Variants in AGAP1 observed in about 807,000 individuals in gnomAD.
AGAP1 encodes arf-GAP with GTPase, ANK repeat and PH domain-containing protein 1.
AGAP1 carries 29 observed loss-of-function variants against 105.3 expected under a neutral mutation model. The observed-to-expected ratio is 0.28, with a 90% confidence interval of 0.21 to 0.38. The LOEUF is 0.38. AGAP1 is among the 10% of genes least tolerant of loss of function. The pLI is 1.00. For missense variants in AGAP1, 998 were observed against 1,165.1 expected, an observed-to-expected ratio of 0.86 and a Z score of 2.09; for synonymous variants, 509 against 485.9, an observed-to-expected ratio of 1.05 and a Z score of -0.63.
At chr2:235,525,056 T>C (rs1356640570) in intron 1 of AGAP1, among the ~76,000 whole-genome samples, 1 of 152,248 alleles carries the variant, frequency 6.6e-6, no homozygotes, top group Non-Finnish European at 1.5e-5. Context: ...GGTTAGTACA[T>C]GAGGCAGGCG....
intron 6 of AGAP1, among the ~76,000 whole-genome samples, chr2:235,766,190 G>A (rs1954935081): frequency 6.6e-6 from 1 of 152,122 alleles, no homozygotes; most frequent in South Asian, 2.1e-4. Flanking sequence ...TTTAACACAG[G>A]GTGCTTGGAT....
intron 6 of AGAP1, among the ~76,000 whole-genome samples, chr2:235,759,133 T>C (rs1954185280): frequency 6.8e-6 from 1 of 147,072 alleles, no homozygotes; most frequent in Non-Finnish European, 1.5e-5. Context: ...GACATTCTGG[T>C]GTCGTTAGCC....
intron 9 of AGAP1, among the ~76,000 whole-genome samples, chr2:235,826,417 G>A (rs765307451): frequency 9.2e-5 from 14 of 151,976 alleles, no homozygotes; most frequent in Non-Finnish European, 1.6e-4. Context: ...CCGTTGCTCC[G>A]TTTCACATAT....
At chr2:236,091,257 C>T (rs1336158380) in intron 16 of AGAP1, among the ~76,000 whole-genome samples, 2 of 152,158 alleles carry the variant, frequency 1.3e-5, no homozygotes, top group Non-Finnish European at 1.5e-5. Context: ...TAGTCCAGGT[C>T]GCCTGGGGCC....
In AGAP1 at chr2:235,629,098, T is replaced by C. The variant is rs560266689; in HGVS notation, c.164-80081T>C. 1.7e-3 allele frequency among the ~76,000 whole-genome samples: 262 copies of C among 152,176 alleles called. 1 individual carries two copies. The highest frequency in any genetic ancestry group is 3.4e-3 in the Non-Finnish European group (232 of 67,992). ...GTGCTGGGATTATAGGTGTGAGCCATTGTATCATTCTTATGCCTTTGTGTC... is the reference window on the plus strand; with the variant it reads ...GTGCTGGGATTATAGGTGTGAGCCACTGTATCATTCTTATGCCTTTGTGTC... On this transcript the variant is annotated intron_variant, in intron 1 of 17. Coordinates refer to ENST00000304032, the MANE Select transcript of AGAP1 (RefSeq NM_001037131.3).
chr2:235,592,711 A>T (rs1235275718), intron 1 of AGAP1, among the ~76,000 whole-genome samples: 1 of 152,120 alleles, frequency 6.6e-6, no homozygotes, highest in East Asian at 1.9e-4. Flanking sequence ...ATATGGGCGC[A>T]TCTTAGTTAT....
intron 13 of AGAP1, among the ~76,000 whole-genome samples, chr2:235,980,782 C>T (rs1185897174): frequency 6.6e-6 from 1 of 152,202 alleles, no homozygotes; most frequent in African/African-American, 2.4e-5. Flanking sequence ...TTGGGCTCAG[C>T]CTGCTACCCT....
chr2:236,068,804 A>G (rs2058420066), intron 16 of AGAP1, among the ~76,000 whole-genome samples: 1 of 149,724 alleles, frequency 6.7e-6, no homozygotes, highest in Non-Finnish European at 1.5e-5. Context: ...TCTCAAAAAA[A>G]AAAAAAAAAA....
chr2:235,983,605 G>A lies in AGAP1; in HGVS notation c.1645+14982G>A, dbSNP rs1424750535. ...AACATTTTGTTCAATGATGGACCAA[G>A]TAATGTGATGGTGGTCCCATGAGAT... On this transcript the variant is annotated intron_variant, in intron 13 of 17. Coordinates refer to ENST00000304032, the MANE Select transcript of AGAP1 (RefSeq NM_001037131.3). This position sits in a 1 kb window ranked among gnomAD's most constrained non-coding sequence, Gnocchi z 4.5. Among the ~76,000 whole-genome samples, 1 of 152,142 alleles carries A rather than the reference G, an allele frequency of 6.6e-6. No individual in the cohort carries two copies. Among genetic ancestry groups the A allele is most frequent in the Admixed American group, 6.6e-5 (1 of 15,266 alleles).
rs1278213985 is a variant in AGAP1, at chr2:235,953,841, G to A, written c.1484-14621G>A. On this transcript the variant is annotated intron_variant, in intron 12 of 17. Coordinates refer to ENST00000304032, the MANE Select transcript of AGAP1 (RefSeq NM_001037131.3). The surrounding 1 kb of genome is among the most constrained non-coding windows in gnomAD (Gnocchi z 5.2). ...GGGAGGCTGAGGCAGGAGGATCGCT[G>A]GAGCCCCAGGAGTTCAAGGCTGCAG... Among the ~76,000 whole-genome samples, 2 of 149,806 alleles carry A rather than the reference G, an allele frequency of 1.3e-5. No individual in the cohort carries two copies. The highest frequency in any genetic ancestry group is 4.9e-5 in the African/African-American group (2 of 40,728).
intron 12 of AGAP1, among the ~76,000 whole-genome samples, chr2:235,966,121 G>T (rs1331630409): frequency 6.7e-6 from 1 of 150,214 alleles, no homozygotes; most frequent in Non-Finnish European, 1.5e-5. Context: ...GGAGGAGAGG[G>T]GAGCCCTTTC....
rs1476711712 is a variant in AGAP1, at chr2:236,036,188, G to A, written c.1646-373G>A. Among the ~76,000 whole-genome samples the A allele has an allele frequency of 3.3e-5, 5 of 152,124 alleles. No individual in the cohort carries two copies. Among genetic ancestry groups the A allele is most frequent in the East Asian group, 1.9e-4 (1 of 5,172 alleles). On this transcript the variant is annotated intron_variant, in intron 13 of 17. Coordinates refer to ENST00000304032, the MANE Select transcript of AGAP1 (RefSeq NM_001037131.3). This position sits in a 1 kb window ranked among gnomAD's most constrained non-coding sequence, Gnocchi z 5.7. ...TTAGATAGAAATTAACCCTGCAGCC[G>A]GAGATTAGCGGCCCTAACTTAATTT... is the stretch of plus-strand genomic sequence containing the variant.
intron 9 of AGAP1, among the ~76,000 whole-genome samples, chr2:235,815,809 CTG>C (rs1160020147): frequency 6.6e-6 from 1 of 152,190 alleles, no homozygotes; most frequent in Admixed American, 6.5e-5. Context: ...TGAAATAAGA[CTG>C]TTGCTGGAAC....
At position 235,816,458 on chromosome 2, in the gene AGAP1, G is replaced by GGAAA. The variant is rs375657430; in HGVS notation, c.1050+9134_1050+9137dup. Among the ~76,000 whole-genome samples, 380 of 138,546 alleles carry GGAAA rather than the reference G, an allele frequency of 2.7e-3. 1 individual carries two copies. The highest frequency in any genetic ancestry group is 0.02 in the East Asian group (94 of 4,704). The allele number at this position is 138,546 out of a possible 152,430, so 90.9% of individuals were successfully genotyped here. A position where few individuals can be genotyped will look rare whatever the true frequency, so the allele number is the denominator to read the frequency against. ...GTCTCAAAAAAAAAAAAAAAAAAAA[G>GGAAA]GAAAGAAAGAGCAGGAGTGCAGAGA... On this transcript the variant is annotated intron_variant, in intron 9 of 17. Coordinates refer to ENST00000304032, the MANE Select transcript of AGAP1 (RefSeq NM_001037131.3).
chr2:235,841,923 A>T (rs1301380835), intron 9 of AGAP1, among the ~76,000 whole-genome samples: 4 of 152,034 alleles, frequency 2.6e-5, no homozygotes, highest in Non-Finnish European at 5.9e-5. Context: ...AAGCTCTGGG[A>T]AGTCTTCCCT....
chr2:235,516,593 C>T (rs943598678), intron 1 of AGAP1, among the ~76,000 whole-genome samples: 1 of 152,122 alleles, frequency 6.6e-6, no homozygotes, highest in African/African-American at 2.4e-5. Flanking sequence ...TTCATGCCGC[C>T]CGTATTCCTG....
intron 16 of AGAP1, among the ~76,000 whole-genome samples, chr2:236,118,130 A>G (rs1269554721): frequency 6.6e-6 from 1 of 152,200 alleles, no homozygotes; most frequent in Non-Finnish European, 1.5e-5. Flanking sequence ...TGCAATGTAA[A>G]CACGGGTAAA....
At position 235,962,388 on chromosome 2, in the gene AGAP1, C is replaced by A. The variant is rs1366071311; in HGVS notation, c.1484-6074C>A. The stretch of plus-strand genomic sequence containing the variant: ...GAGATGGTGGGAGAAGGGAAACTTA[C>A]AAGGGTGAGTTTCAAGTCGTGTGCG... On this transcript the variant is annotated intron_variant, in intron 12 of 17. Coordinates refer to ENST00000304032, the MANE Select transcript of AGAP1 (RefSeq NM_001037131.3). The surrounding 1 kb of genome is among the most constrained non-coding windows in gnomAD (Gnocchi z 5.3). Among the ~76,000 whole-genome samples, 1 of 152,078 alleles carries A rather than the reference C, an allele frequency of 6.6e-6. No homozygotes were observed.
intron 16 of AGAP1, among the ~76,000 whole-genome samples, chr2:236,103,457 C>T (rs964077438): frequency 2.5e-4 from 38 of 152,158 alleles, no homozygotes; most frequent in Non-Finnish European, 3.7e-4. Flanking sequence ...GCACAGGCTC[C>T]ATCTTTTTCT....
Sources: allele counts gnomAD v4.1 joint callset (sites outside exome capture counted in the v4.1 genomes callset), GRCh38; gene constraint gnomAD v4.1.1; non-coding constraint Gnocchi (gnomAD v3.1); transcripts MANE v1.5; gene names NCBI Gene and HGNC (gene_info 2026-07-23, HGNC 2026-07-21).